ZNF804B: variants seen among roughly 807,000 people sequenced by gnomAD.
ZNF804B encodes zinc finger 804B.
In ZNF804B, 80 loss-of-function variants were observed where a neutral mutation model predicts 101.4. The observed-to-expected ratio is 0.79, with a 90% CI of 0.66 to 0.95. The LOEUF (loss-of-function observed/expected upper bound fraction) is 0.95, where lower values mean the gene tolerates loss of function less well. Among genes scored for constraint, ZNF804B ranks in the 40% least tolerant of loss-of-function variants. The pLI, the probability that ZNF804B is intolerant of heterozygous loss-of-function variation, is 0.00. For synonymous variants in ZNF804B, 622 were observed against 558.8 expected, an observed-to-expected ratio of 1.11 and a Z score of -1.59; for missense variants, 1,673 against 1,561.9, an observed-to-expected ratio of 1.07 and a Z score of -1.20.
chr7:89,070,512 A>T lies in ZNF804B; in HGVS notation c.109-147643A>T, dbSNP rs377080162. 7.2e-4 allele frequency among the ~76,000 whole-genome samples: 110 copies of T among 152,278 alleles called. No homozygotes were observed. In the South Asian group the frequency reaches 9.9e-3, roughly 14 times the overall value. The stretch of plus-strand genomic sequence containing the variant: ...AATCAGGCTGCTGTCTGCTAATACC[A>T]TCTCAATTACTTCTTAGCTGTGTGA... On this transcript the variant is annotated intron_variant, in intron 1 of 3. Coordinates refer to ENST00000333190, the MANE Select transcript of ZNF804B (RefSeq NM_181646.5).
intron 1 of ZNF804B, among the ~76,000 whole-genome samples, chr7:89,140,891 A>G (rs1263659023): frequency 6.6e-6 from 1 of 152,088 alleles, no homozygotes; most frequent in Admixed American, 6.6e-5. Context: ...CTGGCATTCA[A>G]TCTATGTCAG....
chr7:89,189,505 A>G, intron 1 of ZNF804B, among the ~76,000 whole-genome samples: 1 of 152,148 alleles, frequency 6.6e-6, no homozygotes, highest in East Asian at 1.9e-4. Flanking sequence ...TAGAGGCAAA[A>G]AAGACAATGA....
At chr7:89,066,429 A>T (rs1384453420) in intron 1 of ZNF804B, among the ~76,000 whole-genome samples, 1 of 152,100 alleles carries the variant, frequency 6.6e-6, no homozygotes, top group African/African-American at 2.4e-5. Flanking sequence ...GAGGGGAATC[A>T]GTGTTCAAAA....
chr7:89,119,140 A>C (rs1245329057), intron 1 of ZNF804B, among the ~76,000 whole-genome samples: 1 of 152,190 alleles, frequency 6.6e-6, no homozygotes, highest in Non-Finnish European at 1.5e-5. Context: ...TAGCCCCTTG[A>C]CCTACCTGAC....
chr7:88,928,262 A>G (rs531279229), intron 1 of ZNF804B, among the ~76,000 whole-genome samples: 1 of 152,258 alleles, frequency 6.6e-6, no homozygotes, highest in African/African-American at 2.4e-5. Flanking sequence ...TGAGCCATGT[A>G]TAGAGAACTG....
At chr7:89,057,582 G>A (rs1789317339) in intron 1 of ZNF804B, among the ~76,000 whole-genome samples, 1 of 152,084 alleles carries the variant, frequency 6.6e-6, no homozygotes, top group Non-Finnish European at 1.5e-5. Context: ...AGTGTTAGTG[G>A]AATTTACATT....
intron 1 of ZNF804B, among the ~76,000 whole-genome samples, chr7:88,826,292 T>A (rs750606684): frequency 4.6e-5 from 7 of 152,180 alleles, no homozygotes; most frequent in Non-Finnish European, 8.8e-5. Flanking sequence ...TAATATATCC[T>A]ACTCATAACA....
intron 2 of ZNF804B, among the ~76,000 whole-genome samples, chr7:89,264,920 A>G (rs915993211): frequency 2.0e-5 from 3 of 152,174 alleles, no homozygotes; most frequent in Non-Finnish European, 4.4e-5. Context: ...CAGATTCTTC[A>G]TTCAAACAAC....
chr7:89,308,151 G>A lies in ZNF804B; in HGVS notation c.250-19193G>A, dbSNP rs553571696. Among the ~76,000 whole-genome samples the A allele has an allele frequency of 2.0e-5, 3 of 152,198 alleles. No homozygotes were observed. The South Asian group carries it at 6.2e-4, about 32-fold the overall frequency. ...ACTCTTGGAATATTTGAACGCTCTT[G>A]ACAGAACTATATTTTCCTTATTTGT... On this transcript the variant is annotated intron_variant, in intron 2 of 3. Transcript: ENST00000333190.
chr7:88,762,869 C>T (rs1396142490), intron 1 of ZNF804B, among the ~76,000 whole-genome samples: 3 of 152,152 alleles, frequency 2.0e-5, no homozygotes, highest in Admixed American at 2.0e-4. Context: ...TTGGTCTTTG[C>T]CCTTTTTATC....
At chr7:89,170,114 T>C (rs1791202060) in intron 1 of ZNF804B, among the ~76,000 whole-genome samples, 1 of 152,230 alleles carries the variant, frequency 6.6e-6, no homozygotes, top group African/African-American at 2.4e-5. Flanking sequence ...AAGGCATGCA[T>C]TTACTGATTT....
At chr7:88,910,373 T>A (rs1304646550) in intron 1 of ZNF804B, among the ~76,000 whole-genome samples, 1 of 151,866 alleles carries the variant, frequency 6.6e-6, no homozygotes, top group East Asian at 1.9e-4. Context: ...AAGCAGAAAC[T>A]TCCTTGGAAT....
At chr7:88,919,263 A>G (rs1792684271) in intron 1 of ZNF804B, among the ~76,000 whole-genome samples, 2 of 152,150 alleles carry the variant, frequency 1.3e-5, no homozygotes, top group East Asian at 3.9e-4. Context: ...TAGTGAAAAT[A>G]AAACATCTTA....
At chr7:89,039,874 G>A (rs1479064325) in intron 1 of ZNF804B, among the ~76,000 whole-genome samples, 2 of 151,830 alleles carry the variant, frequency 1.3e-5, no homozygotes, top group African/African-American at 4.8e-5. Context: ...TTTCATATGT[G>A]ATAAGTTGCT....
Position 89,264,232 on chromosome 7 carries a change from C to T in ZNF804B, c.249+45937C>T, listed in dbSNP as rs139405806. Among the ~76,000 whole-genome samples, 632 of 152,238 alleles carry T rather than the reference C, an allele frequency of 4.2e-3. 5 individuals are homozygous for T. Among genetic ancestry groups the T allele is most frequent in the African/African-American group, 0.015 (604 of 41,542 alleles). ...TAGACATTTTCCTTTTACATGTGAA[C>T]AGAGCCAAGCCTCTTTGAAATAAAA... On this transcript the variant is annotated intron_variant, in intron 2 of 3. Coordinates refer to ENST00000333190, the MANE Select transcript of ZNF804B (RefSeq NM_181646.5).
Position 89,219,994 on chromosome 7 carries a change from T to C in ZNF804B, c.249+1699T>C, listed in dbSNP as rs1451631541. Among the ~76,000 whole-genome samples the C allele has an allele frequency of 7.0e-4, 77 of 110,102 alleles. 12 individuals carry two copies. The highest frequency in any genetic ancestry group is 2.2e-3 in the African/African-American group (58 of 25,892). The allele number at this position is 110,102 out of a possible 152,430, so 72.2% of individuals were successfully genotyped here. On this transcript the variant is annotated intron_variant, in intron 2 of 3. Coordinates refer to ENST00000333190, the MANE Select transcript of ZNF804B (RefSeq NM_181646.5). ...ATATGTATATACATATGTGTGCATA[T>C]ATGTATATGCACATATATGTGTGTA...
chr7:89,096,144 G>A (rs1789968717), intron 1 of ZNF804B, among the ~76,000 whole-genome samples: 1 of 118,216 alleles, frequency 8.5e-6, no homozygotes, highest in Non-Finnish European at 1.7e-5. Flanking sequence ...GACAGAGCCA[G>A]ACTCCATTTA....
At chr7:88,962,535 C>T (rs1327071052) in intron 1 of ZNF804B, among the ~76,000 whole-genome samples, 1 of 150,574 alleles carries the variant, frequency 6.6e-6, no homozygotes, top group Non-Finnish European at 1.5e-5. Context: ...TTAGAAGGAA[C>T]ATTCTCCATG....
chr7:89,094,155 A>G (rs1459224440), intron 1 of ZNF804B, among the ~76,000 whole-genome samples: 3 of 152,218 alleles, frequency 2.0e-5, no homozygotes, highest in Admixed American at 6.5e-5. Context: ...TGAATTGTAG[A>G]TATCATTCTA....
Sources: allele counts gnomAD v4.1 joint callset (sites outside exome capture counted in the v4.1 genomes callset), GRCh38; gene constraint gnomAD v4.1.1; transcripts MANE v1.5; gene names NCBI Gene and HGNC (gene_info 2026-07-23, HGNC 2026-07-21).